Variants in HS6ST2 observed in about 807,000 individuals in gnomAD.
The protein encoded by HS6ST2 is heparan sulfate 6-O-sulfotransferase 2.
In HS6ST2, 17 loss-of-function variants were observed where a neutral mutation model predicts 33.0. That is an observed-to-expected ratio of 0.52 (90% confidence interval 0.35 to 0.77). The LOEUF is 0.77. HS6ST2 is among the 30% of genes least tolerant of loss of function. The pLI, the probability that HS6ST2 is intolerant of heterozygous loss-of-function variation, is 0.01. For missense variants in HS6ST2, 519 were observed against 551.7 expected (o/e 0.94, Z 0.59); for synonymous variants, 248 against 237.1 (o/e 1.05, Z -0.42).
At chrX:132,825,205 C>A (rs1055203955) in intron 2 of HS6ST2, among the ~76,000 whole-genome samples, 1 of 111,321 alleles carries the variant, frequency 9.0e-6, no homozygotes, top group African/African-American at 3.3e-5. Flanking sequence ...ACTAAAAGGT[C>A]TCTGAGATCC....
chrX:132,899,039 T>C (rs1278632615), intron 2 of HS6ST2, among the ~76,000 whole-genome samples: 1 of 111,608 alleles, frequency 9.0e-6, no homozygotes, highest in Non-Finnish European at 1.9e-5. Context: ...CCCTGAAAAG[T>C]GTATTGTCTT....
chrX:132,759,496 G>A lies in HS6ST2; in HGVS notation c.948-51002C>T, dbSNP rs181191102. Among the ~76,000 whole-genome samples, 177 of 111,250 alleles carry A rather than the reference G, an allele frequency of 1.6e-3. 1 individual carries two copies. Among genetic ancestry groups the A allele is most frequent in the Admixed American group, 3.6e-3 (38 of 10,425 alleles). ...TGATCTGAAAGCAACATTAAAAAAA[G>A]ATTTGGTAGGTGGGGGTGATGGGGA... On this transcript the variant is annotated intron_variant, in intron 2 of 4. Transcript: ENST00000370833.
intron 3 of HS6ST2, among the ~76,000 whole-genome samples, chrX:132,701,367 C>T (rs2064143237): frequency 8.9e-6 from 1 of 112,091 alleles, no homozygotes; most frequent in African/African-American, 3.2e-5. Flanking sequence ...CTCTTGGTTC[C>T]TCTTCTCCTG....
intron 2 of HS6ST2, among the ~76,000 whole-genome samples, chrX:132,723,147 C>T (rs1038768513): frequency 9.0e-6 from 1 of 111,417 alleles, no homozygotes; most frequent in Non-Finnish European, 1.9e-5. Flanking sequence ...TAAACCTGAA[C>T]AGACCAATAG....
At chrX:132,903,046 C>T (rs1295458353) in intron 2 of HS6ST2, among the ~76,000 whole-genome samples, 1 of 111,116 alleles carries the variant, frequency 9.0e-6, no homozygotes, top group Non-Finnish European at 1.9e-5. Flanking sequence ...TATAGAAAAT[C>T]CTAAGGAATA....
At chrX:132,872,275 T>G (rs973510937) in intron 2 of HS6ST2, among the ~76,000 whole-genome samples, 1 of 112,135 alleles carries the variant, frequency 8.9e-6, no homozygotes, top group Admixed American at 9.5e-5. Flanking sequence ...TTGTACTAGA[T>G]TTTGAAAGTC....
intron 3 of HS6ST2, among the ~76,000 whole-genome samples, chrX:132,688,260 T>G (rs2064034793): frequency 8.9e-6 from 1 of 111,926 alleles, no homozygotes; most frequent in African/African-American, 3.2e-5. Flanking sequence ...TGAAAACCCA[T>G]GAAAAATGAC....
intron 2 of HS6ST2, among the ~76,000 whole-genome samples, chrX:132,841,746 C>T (rs2065708578): frequency 8.9e-6 from 1 of 112,014 alleles, no homozygotes; most frequent in African/African-American, 3.2e-5. Flanking sequence ...AGACAAAACT[C>T]CAGCTTTGCT....
At chrX:132,834,207 T>C in intron 2 of HS6ST2, among the ~76,000 whole-genome samples, 1 of 112,028 alleles carries the variant, frequency 8.9e-6, no homozygotes, top group African/African-American at 3.2e-5. Context: ...CAATATCATG[T>C]GTTTATTAGA....
At chrX:132,906,261 CTT>C (rs1435815571) in intron 2 of HS6ST2, among the ~76,000 whole-genome samples, 1 of 112,138 alleles carries the variant, frequency 8.9e-6, no homozygotes, top group East Asian at 2.8e-4. Context: ...TTCCTAAACA[CTT>C]AATGTTTTTT....
At chrX:132,906,610 G>A (rs771510562) in intron 2 of HS6ST2, among the ~76,000 whole-genome samples, 77 of 111,529 alleles carry the variant, frequency 6.9e-4, no homozygotes, top group African/African-American at 2.4e-3. Context: ...TAGATCCCTC[G>A]TGAATGGGCT....
intron 4 of HS6ST2, among the ~76,000 whole-genome samples, chrX:132,631,963 A>AGAG (rs1356441426): frequency 9.0e-6 from 1 of 111,577 alleles, no homozygotes; most frequent in Non-Finnish European, 1.9e-5. Context: ...AAGGCAACAC[A>AGAG]GAGACAGACT....
intron 2 of HS6ST2, among the ~76,000 whole-genome samples, chrX:132,840,442 C>G (rs1253704328): frequency 9.1e-6 from 1 of 109,678 alleles, no homozygotes; most frequent in Non-Finnish European, 1.9e-5. Flanking sequence ...TCCTCTTCCC[C>G]TTCCTCTTCA....
chrX:132,667,048 C>T (rs900619030), intron 4 of HS6ST2, among the ~76,000 whole-genome samples: 6 of 111,509 alleles, frequency 5.4e-5, no homozygotes, highest in Non-Finnish European at 9.4e-5. Context: ...TCCATAGGCA[C>T]TGTTCTATAA....
At chrX:132,759,349 A>C (rs1436795765) in intron 2 of HS6ST2, among the ~76,000 whole-genome samples, 29 of 111,918 alleles carry the variant, frequency 2.6e-4, no homozygotes, top group Non-Finnish European at 2.6e-4. Flanking sequence ...TCACTCTCTG[A>C]TAAGGCAGTC....
chrX:132,637,961 A>ATATTTTATATATAATATTATATAT (rs2063574638), intron 4 of HS6ST2, among the ~76,000 whole-genome samples: 1 of 62,062 alleles, frequency 1.6e-5, no homozygotes, highest in African/African-American at 5.8e-5. Context: ...AATATATATA[A>ATATTTTATATATAATATTATATAT]AATATTTTAT....
chrX:132,648,138 T>C (rs2063661076), intron 4 of HS6ST2, among the ~76,000 whole-genome samples: 1 of 112,374 alleles, frequency 8.9e-6, no homozygotes, highest in Admixed American at 9.4e-5. Flanking sequence ...AGGACTTCAA[T>C]GACACCTCTA....
At chrX:132,641,150 T>G (rs1433551483) in intron 4 of HS6ST2, among the ~76,000 whole-genome samples, 1 of 112,558 alleles carries the variant, frequency 8.9e-6, no homozygotes, top group African/African-American at 3.2e-5. Flanking sequence ...TGTTTTTGTT[T>G]GTTTGTTTTT....
In HS6ST2 at chrX:132,909,871, TCA is replaced by T. The variant is rs770860742; in HGVS notation, c.947+46935_947+46936del. On this transcript the variant is annotated intron_variant, in intron 2 of 4. Coordinates refer to ENST00000370833, the MANE Select transcript of HS6ST2 (RefSeq NM_001394073.1). ...CATCAGCAGCAACAATTTCTTGTAATCACCTCTGTCCTGTAGCAAGGTCCTTA... is the reference window on the plus strand; with the variant it reads ...CATCAGCAGCAACAATTTCTTGTAATCCTCTGTCCTGTAGCAAGGTCCTTA... Among the ~76,000 whole-genome samples, 21 of 111,515 alleles carry T rather than the reference TCA, an allele frequency of 1.9e-4. No homozygotes were observed. The Middle Eastern group carries it at 0.014, about 73-fold the overall frequency.
Sources: allele counts gnomAD v4.1 joint callset (sites outside exome capture counted in the v4.1 genomes callset), GRCh38; gene constraint gnomAD v4.1.1; transcripts MANE v1.5; gene names NCBI Gene and HGNC (gene_info 2026-07-23, HGNC 2026-07-21).